Variants in KCNMB4 observed in about 807,000 individuals in gnomAD.
KCNMB4 encodes potassium calcium-activated channel subfamily M regulatory beta subunit 4, also known as calcium-activated potassium channel subunit beta-4.
A neutral mutation model predicts 20.7 loss-of-function variants in KCNMB4; 3 were observed. That is an observed-to-expected ratio of 0.14 (90% confidence interval 0.07 to 0.37). KCNMB4 has a LOEUF of 0.37. KCNMB4 is among the 10% of genes least tolerant of loss of function. The pLI, the probability that KCNMB4 is intolerant of heterozygous loss-of-function variation, is 1.00. For missense variants in KCNMB4, 168 were observed against 265.9 expected (o/e 0.63, Z 2.56); for synonymous variants, 110 against 113.4 (o/e 0.97, Z 0.19).
At chr12:70,373,957 A>G (rs1470108663) in intron 1 of KCNMB4, among the ~76,000 whole-genome samples, 3 of 152,164 alleles carry the variant, frequency 2.0e-5, no homozygotes, top group South Asian at 2.1e-4. Context: ...GTGCTTTAGG[A>G]CTTTAGCTTG....
intron 2 of KCNMB4, among the ~76,000 whole-genome samples, chr12:70,411,608 C>T (rs1437112031): frequency 6.6e-6 from 1 of 152,138 alleles, no homozygotes; most frequent in Non-Finnish European, 1.5e-5. Flanking sequence ...ATGGTTGTTA[C>T]TCTTTTTGTA....
At chr12:70,402,861 T>C (rs1368496784) in intron 2 of KCNMB4, among the ~76,000 whole-genome samples, 1 of 152,150 alleles carries the variant, frequency 6.6e-6, no homozygotes, top group Non-Finnish European at 1.5e-5. Context: ...GATGCAGCAG[T>C]GTCCAAAGAG....
At chr12:70,417,059 T>C (rs1593345119) in intron 2 of KCNMB4, among the ~76,000 whole-genome samples, 2 of 152,294 alleles carry the variant, frequency 1.3e-5, no homozygotes, top group South Asian at 4.1e-4. Flanking sequence ...GCCAAAATAA[T>C]GGTACAATAC....
intron 2 of KCNMB4, among the ~76,000 whole-genome samples, chr12:70,413,445 G>T (rs1868835688): frequency 6.6e-6 from 1 of 152,138 alleles, no homozygotes; most frequent in Admixed American, 6.5e-5. Flanking sequence ...TCATCAGATG[G>T]TGGAATGCAG....
chr12:70,411,996 A>G (rs1593342692), intron 2 of KCNMB4, among the ~76,000 whole-genome samples: 1 of 152,176 alleles, frequency 6.6e-6, no homozygotes. Flanking sequence ...CTGTTGTACC[A>G]GTCTAGACAA....
At chr12:70,414,231 C>CA (rs34695962) in intron 2 of KCNMB4, among the ~76,000 whole-genome samples, 8 of 149,192 alleles carry the variant, frequency 5.4e-5, no homozygotes, top group East Asian at 2.0e-4. Context: ...GACTCTGTCT[C>CA]AAAAAAAAAG....
chr12:70,405,320 A>T (rs1262218581), intron 2 of KCNMB4, among the ~76,000 whole-genome samples: 2 of 152,194 alleles, frequency 1.3e-5, no homozygotes, highest in Non-Finnish European at 1.5e-5. Flanking sequence ...ATTTAAAAAA[A>T]GGCTAAGGGC....
intron 1 of KCNMB4, among the ~76,000 whole-genome samples, chr12:70,381,129 C>A: frequency 6.6e-6 from 1 of 150,778 alleles, no homozygotes; most frequent in Non-Finnish European, 1.5e-5. Context: ...TCCAAATGGC[C>A]AATGAGCACA....
At chr12:70,405,101 G>A (rs1868562182) in intron 2 of KCNMB4, among the ~76,000 whole-genome samples, 1 of 152,134 alleles carries the variant, frequency 6.6e-6, no homozygotes, top group East Asian at 1.9e-4. Context: ...GATAATTTAG[G>A]TACAGCCTTT....
At chr12:70,384,742 C>T (rs1883856819) in intron 1 of KCNMB4, among the ~76,000 whole-genome samples, 1 of 151,516 alleles carries the variant, frequency 6.6e-6, no homozygotes, top group African/African-American at 2.4e-5. Flanking sequence ...TTTTAATTAG[C>T]CAGGCATGGT....
At chr12:70,370,051 A>G (rs1214101424) in intron 1 of KCNMB4, among the ~76,000 whole-genome samples, 1 of 152,162 alleles carries the variant, frequency 6.6e-6, no homozygotes, top group African/African-American at 2.4e-5. Flanking sequence ...AACTTTAAAA[A>G]GAAGTTCTTA....
At chr12:70,405,466 A>G (rs1868573210) in intron 2 of KCNMB4, among the ~76,000 whole-genome samples, 1 of 152,218 alleles carries the variant, frequency 6.6e-6, no homozygotes, top group Non-Finnish European at 1.5e-5. Flanking sequence ...CAGAATGACT[A>G]TTAACAAAAA....
At chr12:70,413,791 C>T (rs1868845693) in intron 2 of KCNMB4, among the ~76,000 whole-genome samples, 3 of 152,170 alleles carry the variant, frequency 2.0e-5, no homozygotes, top group Admixed American at 6.5e-5. Context: ...CATTTTTAAA[C>T]GTTTTTAGTT....
intron 2 of KCNMB4, among the ~76,000 whole-genome samples, chr12:70,421,661 A>G (rs1419566990): frequency 1.3e-5 from 2 of 151,418 alleles, no homozygotes; most frequent in Non-Finnish European, 2.9e-5. Context: ...GGCTCACTGC[A>G]AGCTCCACCT....
intron 2 of KCNMB4, among the ~76,000 whole-genome samples, chr12:70,417,482 TAGAG>T (rs1402987310): frequency 6.6e-6 from 1 of 152,114 alleles, no homozygotes; most frequent in African/African-American, 2.4e-5. Flanking sequence ...CTGGGCTAGA[TAGAG>T]ATCGATTAAA....
chr12:70,374,336 A>T (rs1883649778), intron 1 of KCNMB4, among the ~76,000 whole-genome samples: 1 of 151,958 alleles, frequency 6.6e-6, no homozygotes, highest in Non-Finnish European at 1.5e-5. Context: ...TTGGGTTTAA[A>T]TTTTTTTTCA....
intron 1 of KCNMB4, among the ~76,000 whole-genome samples, chr12:70,380,985 T>C (rs10784839): frequency 0.23 from 35,119 of 152,076 alleles, 4,568 homozygotes; most frequent in East Asian, 0.51. Flanking sequence ...AAAGAAAATA[T>C]TTGCAAATAA....
At chr12:70,425,668 GTCT>G (rs1369004038) in intron 2 of KCNMB4, among the ~76,000 whole-genome samples, 6 of 152,118 alleles carry the variant, frequency 3.9e-5, no homozygotes, top group African/African-American at 1.4e-4. Context: ...CACATGTCAG[GTCT>G]TCTTTGGTTT....
rs575713784 is a variant in KCNMB4 at position 70,379,220 on chromosome 12, C to T, written c.336+12150C>T. On this transcript the variant is annotated intron_variant, in intron 1 of 2. Transcript: ENST00000258111. ...GCTTAAAGTCACCAGCTACACTAGC[C>T]TCTAACAAGAGTCAGCCTGTTCTTT... Among the ~76,000 whole-genome samples, 135 of 152,270 alleles carry T rather than the reference C, an allele frequency of 8.9e-4. 3 individuals are homozygous for T. The South Asian group carries it at 0.021, about 24-fold the overall frequency.
Sources: allele counts gnomAD v4.1 joint callset (sites outside exome capture counted in the v4.1 genomes callset), GRCh38; gene constraint gnomAD v4.1.1; transcripts MANE v1.5; gene names NCBI Gene and HGNC (gene_info 2026-07-23, HGNC 2026-07-21).